Variants in MTAP observed in about 807,000 individuals in gnomAD.
MTAP encodes the protein methylthioadenosine phosphorylase, also known as S-methyl-5'-thioadenosine phosphorylase.
In MTAP, 33 loss-of-function variants were observed where a neutral mutation model predicts 33.6. The observed-to-expected ratio is 0.98, with a 90% confidence interval of 0.74 to 1.31. The LOEUF is 1.31. Ranked by LOEUF, MTAP falls within the 40% of genes most tolerant of loss-of-function variation. The probability of loss-of-function intolerance (pLI) is 0.00; values close to 1 mark genes in which losing one functional copy is unlikely to be tolerated. For synonymous variants in MTAP, 148 were observed against 125.7 expected (o/e 1.18, Z -1.19); for missense variants, 367 against 360.0 (o/e 1.02, Z -0.16).
At chr9:21,858,418 G>A (rs1825682592) in intron 6 of MTAP, among the ~76,000 whole-genome samples, 1 of 152,324 alleles carries the variant, frequency 6.6e-6, no homozygotes, top group East Asian at 1.9e-4. Context: ...GGCTGTACGG[G>A]ACGTGATGCT....
At chr9:21,848,347 GA>G (rs1222333523) in intron 5 of MTAP, among the ~76,000 whole-genome samples, 1 of 152,164 alleles carries the variant, frequency 6.6e-6, no homozygotes, top group East Asian at 1.9e-4. Context: ...GAAATCTGGA[GA>G]ACAGGCATGG....
chr9:21,824,431 G>A (rs911961810), intron 4 of MTAP, among the ~76,000 whole-genome samples: 1 of 152,178 alleles, frequency 6.6e-6, no homozygotes, highest in African/African-American at 2.4e-5. Flanking sequence ...TTGCTGAACA[G>A]CAAATGTTCC....
chr9:21,927,019 T>A (rs1346997546), intron 1 of MTAP, among the ~76,000 whole-genome samples: 1 of 152,118 alleles, frequency 6.6e-6, no homozygotes, highest in Non-Finnish European at 1.5e-5. Flanking sequence ...TTATATCAGG[T>A]TCTAAAAGAA....
chr9:21,896,848 T>C (rs976241981), intron 1 of MTAP, among the ~76,000 whole-genome samples: 19 of 151,976 alleles, frequency 1.3e-4, no homozygotes, highest in East Asian at 3.9e-4. Context: ...TTCCAATCAA[T>C]AGAAAAAGAG....
At chr9:21,916,413 A>T (rs1818693938) in intron 1 of MTAP, among the ~76,000 whole-genome samples, 2 of 152,006 alleles carry the variant, frequency 1.3e-5, no homozygotes, top group Non-Finnish European at 2.9e-5. Context: ...AGTTCGAGAC[A>T]GGCCTGGCCA....
intron 4 of MTAP, among the ~76,000 whole-genome samples, chr9:21,823,323 C>G (rs920519081): frequency 1.3e-5 from 2 of 152,150 alleles, no homozygotes; most frequent in Non-Finnish European, 2.9e-5. Context: ...TGACAAAATC[C>G]TCAGCATTTG....
chr9:21,933,316 C>T (rs1365118911), downstream of MTAP: 1 of 152,170 alleles, frequency 6.6e-6, no homozygotes. Flanking sequence ...AAATTTATAT[C>T]TACAAAGGAA....
chr9:21,896,760 A>C (rs1818301057), intron 1 of MTAP, among the ~76,000 whole-genome samples: 1 of 152,018 alleles, frequency 6.6e-6, no homozygotes, highest in Admixed American at 6.6e-5. Context: ...CAACCAAAAA[A>C]CTCCAGGAAC....
downstream of MTAP, among the ~76,000 whole-genome samples, chr9:21,868,110 G>C (rs1450634598): frequency 6.6e-6 from 1 of 152,170 alleles, no homozygotes; most frequent in Non-Finnish European, 1.5e-5. Flanking sequence ...TCTGAGGGAT[G>C]AATCAAGAGA....
chr9:21,859,134 C>T (rs998851238), intron 6 of MTAP, 169 bp from the exon 7 acceptor site: 1 of 900,730 alleles, frequency 1.1e-6, no homozygotes, highest in African/African-American at 1.7e-5. Flanking sequence ...CTAATTGCCT[C>T]CCAAATGCCC....
intron 4 of MTAP, among the ~76,000 whole-genome samples, chr9:21,828,307 G>C (rs1824874409): frequency 6.6e-6 from 1 of 152,212 alleles, no homozygotes; most frequent in African/African-American, 2.4e-5. Context: ...ATTATTGAGA[G>C]TGTGTGCATA....
chr9:21,815,610 G>C, intron 2 of MTAP, 91 bp downstream of exon 2: 2 of 775,370 alleles, frequency 2.6e-6, no homozygotes, highest in Non-Finnish European at 4.1e-6. Flanking sequence ...AAAAAGAATT[G>C]CTTTTGTTTT....
At chr9:21,930,729 G>T in intron 1 of MTAP, 1 of 667,744 alleles carries the variant, frequency 1.5e-6, no homozygotes, top group South Asian at 1.7e-5. Context: ...GTTAATGGCA[G>T]CACAGGGAGG....
At chr9:21,816,686 T>C (rs776687786) in intron 2 of MTAP, 28 bp from the exon 3 acceptor site, 2 of 1,600,400 alleles carry the variant, frequency 1.2e-6, no homozygotes, top group Non-Finnish European at 1.7e-6. Flanking sequence ...AATCACTGAG[T>C]TAAATGTCAT....
chr9:21,915,016 C>CT (rs1818656292), intron 1 of MTAP, among the ~76,000 whole-genome samples: 1 of 93,318 alleles, frequency 1.1e-5, no homozygotes, highest in Non-Finnish European at 1.9e-5. Flanking sequence ...TCCTTCCTTC[C>CT]TTCCTTCCTT....
At chr9:21,935,627 T>C (rs1281269412), downstream of MTAP, 1 of 152,188 alleles carries the variant, frequency 6.6e-6, no homozygotes, top group East Asian at 1.9e-4. Context: ...TTTATATAGT[T>C]CAGACTCTTC....
At chr9:21,846,239 C>A (rs1825378614) in intron 5 of MTAP, among the ~76,000 whole-genome samples, 1 of 152,092 alleles carries the variant, frequency 6.6e-6, no homozygotes, top group Non-Finnish European at 1.5e-5. Context: ...GCAAATGCAA[C>A]AAAAACTAAG....
chr9:21,925,026 C>T (rs1818847084), intron 1 of MTAP, among the ~76,000 whole-genome samples: 1 of 152,248 alleles, frequency 6.6e-6, no homozygotes, highest in Non-Finnish European at 1.5e-5. Context: ...ATGCAATACA[C>T]ATGACTGACC....
chr9:21,805,037 C>G (rs1224563546), intron 1 of MTAP, among the ~76,000 whole-genome samples: 1 of 152,190 alleles, frequency 6.6e-6, no homozygotes, highest in Non-Finnish European at 1.5e-5. Context: ...TGCACACCAC[C>G]CAGGTATAGG....
Sources: allele counts gnomAD v4.1 joint callset (sites outside exome capture counted in the v4.1 genomes callset), GRCh38; gene constraint gnomAD v4.1.1; transcripts MANE v1.5; gene names NCBI Gene and HGNC (gene_info 2026-07-23, HGNC 2026-07-21).